The following C2CD5 variants were observed in gnomAD, a reference collection of about 807,000 sequenced individuals.
C2CD5 encodes C2 domain-containing protein 5.
In C2CD5, 109 loss-of-function variants were observed where a neutral mutation model predicts 130.3. The ratio of observed to expected loss-of-function variants is 0.84; its 90% confidence interval spans 0.72 to 0.98. The LOEUF (loss-of-function observed/expected upper bound fraction) is 0.98. Ranked by LOEUF, C2CD5 falls within the 50% of genes least tolerant of loss-of-function variation. The pLI is 0.00. For missense variants in C2CD5, 996 were observed against 1,261.8 expected (o/e 0.79, Z 3.19); for synonymous variants, 454 against 429.2 (o/e 1.06, Z -0.71).
At chr12:22,488,196 A>T (rs572315876) in intron 12 of C2CD5, among the ~76,000 whole-genome samples, 19 of 151,534 alleles carry the variant, frequency 1.3e-4, no homozygotes, top group South Asian at 4.2e-4. Context: ...AAGTATAATT[A>T]AAAAAAAACA....
At position 22,449,807 on chromosome 12, in the gene C2CD5, T is replaced by C. The variant is rs201956992; in HGVS notation, c.3109A>G (p.Thr1037Ala). ...DLEVVSSQQP[T>A]TNCQSSCTEG... ...GTACATGATGACTGGCAGTTGGTAGTAGGTTGCTGAGATGACACCACTTCT... is the reference window on the plus strand; with the variant it reads ...GTACATGATGACTGGCAGTTGGTAGCAGGTTGCTGAGATGACACCACTTCT... Residue 1037 changes from threonine to alanine, a missense_variant, in exon 27 of 27, where the codon ACT (threonine) becomes GCT (alanine). Transcript: ENST00000446597. 85 of 1,610,542 alleles carry C rather than the reference T, an allele frequency of 5.3e-5. No homozygotes were observed. The African/African-American group carries it at 8.7e-4, about 16-fold the overall frequency.
chr12:22,515,955 C>T (rs1261437677), intron 8 of C2CD5, among the ~76,000 whole-genome samples: 1 of 150,948 alleles, frequency 6.6e-6, no homozygotes, highest in Non-Finnish European at 1.5e-5. Flanking sequence ...AAAATAAAAC[C>T]TTGTAAATGT....
Position 22,474,852 on chromosome 12 carries a change from G to A in C2CD5, c.1942C>T (p.Pro648Ser), listed in dbSNP as rs948497515. The stretch of plus-strand genomic sequence containing the variant: ...CTTAGAAGTCTTGAGCGTTGCCTAG[G>A]TTCTGGGATGGGTGATCCTATAATC... ...EEIIGSPIPE[P>S]RQRSRLLRSQ... The change falls in exon 16 of 27, where the codon CCT becomes TCT. Residue 648 changes from proline (P) to serine (S), a missense_variant. Coordinates refer to ENST00000446597, the MANE Select transcript of C2CD5 (RefSeq NM_001286176.2). 20 of 1,605,510 alleles carry A rather than the reference G, an allele frequency of 1.2e-5. No individual in the cohort carries two copies. The highest frequency in any genetic ancestry group is 2.2e-5 in the East Asian group (1 of 44,622).
chr12:22,502,745 T>G, intron 10 of C2CD5: 1 of 1,522,694 alleles, frequency 6.6e-7, no homozygotes, highest in Non-Finnish European at 8.8e-7. Flanking sequence ...ATACCTGAAT[T>G]GAAACTATTC....
At chr12:22,494,874 TAC>T (rs576071746) in intron 10 of C2CD5, among the ~76,000 whole-genome samples, 72 of 152,122 alleles carry the variant, frequency 4.7e-4, no homozygotes, top group Admixed American at 7.9e-4. Context: ...ACAGCAAAAA[TAC>T]ACTTTCAAAT....
chr12:22,493,163 C>A, intron 11 of C2CD5, 60 bp downstream of exon 11: 1 of 923,834 alleles, frequency 1.1e-6, no homozygotes, highest in South Asian at 1.6e-5. Flanking sequence ...TGAAGCTTTT[C>A]CCCTTTCAGA....
intron 2 of C2CD5, among the ~76,000 whole-genome samples, chr12:22,538,042 T>C (rs925176904): frequency 2.0e-5 from 3 of 152,216 alleles, no homozygotes; most frequent in Non-Finnish European, 2.9e-5. Flanking sequence ...GGACCAATAC[T>C]TGATCAGTTA....
At chr12:22,518,329 G>A (rs879210227) in intron 7 of C2CD5, among the ~76,000 whole-genome samples, 192 bp from the exon 8 acceptor site, 1 of 152,036 alleles carries the variant, frequency 6.6e-6, no homozygotes, top group South Asian at 2.1e-4. Flanking sequence ...AATATTATCT[G>A]CATTGAAACA....
chr12:22,505,262 T>C (rs1452257088), intron 10 of C2CD5, among the ~76,000 whole-genome samples: 2 of 147,090 alleles, frequency 1.4e-5, no homozygotes, highest in Admixed American at 6.7e-5. Context: ...TTCTTTTTTT[T>C]TTTTTTTTTT....
At chr12:22,462,649 G>A (rs952146637) in intron 22 of C2CD5, among the ~76,000 whole-genome samples, 1 of 152,158 alleles carries the variant, frequency 6.6e-6, no homozygotes, top group Non-Finnish European at 1.5e-5. Flanking sequence ...TCTCCAGTAC[G>A]TCTAAAGTCT....
Position 22,471,470 on chromosome 12 carries a change from GTAGTT to G in C2CD5, c.2282_2286del (p.Lys761ThrfsTer19). On this transcript the variant is annotated frameshift_variant, in exon 20 of 27. Coordinates refer to ENST00000446597, the MANE Select transcript of C2CD5 (RefSeq NM_001286176.2). LOFTEE classifies it high-confidence loss of function. ...CAAAGGCAGCAGGGGATCATAGATC[GTAGTT>G]TAAAGTACAGGCTCTACACAATAGA... 1 of 1,591,714 alleles carries G rather than the reference GTAGTT, an allele frequency of 6.3e-7. No individual in the cohort carries two copies. The highest frequency in any genetic ancestry group is 8.6e-7 in the Non-Finnish European group (1 of 1,161,462).
At chr12:22,469,275 C>T (rs796195102) in intron 22 of C2CD5, among the ~76,000 whole-genome samples, 40 of 152,196 alleles carry the variant, frequency 2.6e-4, no homozygotes, top group African/African-American at 9.1e-4. Flanking sequence ...TTGTACTACT[C>T]CCACTCAAAA....
intron 9 of C2CD5, chr12:22,512,601 C>A: frequency 8.0e-7 from 1 of 1,255,256 alleles, no homozygotes. Flanking sequence ...AACTAGAAAG[C>A]TATCAATACA....
In C2CD5 at chr12:22,472,834, A is replaced by G. The variant is rs748079794; in HGVS notation, c.2044-27T>C. 16 of 1,213,430 alleles carry G rather than the reference A, an allele frequency of 1.3e-5. No individual in the cohort carries two copies. The South Asian group carries it at 1.7e-4, about 13-fold the overall frequency. 75.2% of individuals were successfully genotyped at this position (1,213,430 alleles called of 1,614,324 possible). On this transcript the variant is annotated intron_variant, in intron 16 of 26. Transcript: ENST00000446597. ...TTAAAATAGAGATTAAAACTATTTT[A>G]TAAGTAGTAAATGCATAATTATTTC... is the stretch of plus-strand genomic sequence containing the variant.
intron 2 of C2CD5, among the ~76,000 whole-genome samples, chr12:22,536,623 ATATTT>A (rs1319378858): frequency 6.6e-6 from 1 of 152,222 alleles, no homozygotes; most frequent in Non-Finnish European, 1.5e-5. Context: ...AAGTATGATT[ATATTT>A]GTTTCTAAAA....
chr12:22,523,592 G>A lies in C2CD5; in HGVS notation c.634C>T (p.Leu212Phe), dbSNP rs373330293. 3.7e-6 allele frequency: 6 copies of A among 1,613,346 alleles called. No individual in the cohort carries two copies. Among genetic ancestry groups the A allele is most frequent in the Non-Finnish European group, 5.1e-6 (6 of 1,179,904 alleles). ...ELQRKIGLKV[L>F]EMRGNAVVGY... ...ACAACTGCATTTCCTCTCATTTCAA[G>A]TACTTTCAAGCCAATCTTCCTCTGC... is the stretch of plus-strand genomic sequence containing the variant. Residue 212 changes from leucine (L) to phenylalanine (F), a missense_variant, in exon 7 of 27, where the codon CTT becomes TTT. Transcript: ENST00000446597.
At chr12:22,455,882 G>A (rs992073983) in intron 25 of C2CD5, among the ~76,000 whole-genome samples, 9 of 151,982 alleles carry the variant, frequency 5.9e-5, no homozygotes, top group African/African-American at 1.2e-4. Flanking sequence ...AAGGGGTTTC[G>A]TCATGTTGGT....
chr12:22,449,643 T>C lies in C2CD5; in HGVS notation c.*117A>G, dbSNP rs1324958688. 5 of 917,496 alleles carry C rather than the reference T, an allele frequency of 5.4e-6. No individual in the cohort carries two copies. In the South Asian group the frequency reaches 5.7e-5, roughly 10 times the overall value. The allele number at this position is 917,496 out of a possible 1,614,324, so 56.8% of individuals were successfully genotyped here. On this transcript the variant is annotated 3_prime_UTR_variant, in exon 27 of 27. Coordinates refer to ENST00000446597, the MANE Select transcript of C2CD5 (RefSeq NM_001286176.2). The stretch of plus-strand genomic sequence containing the variant: ...CAAAAGACTCCAGGCAAATCAAATC[T>C]ACTCAATTCTTCCTTATTTATCTCA...
rs991913689 is a variant in C2CD5 at position 22,519,071 on chromosome 12, G to A, written c.801-934C>T. The A allele has an allele frequency of 5.3e-6, 8 of 1,511,840 alleles. No individual in the cohort carries two copies. The Admixed American group carries it at 6.1e-5, about 11-fold the overall frequency. The allele number at this position is 1,511,840 out of a possible 1,614,324, so 93.7% of individuals were successfully genotyped here. A position where few individuals can be genotyped will look rare whatever the true frequency, so the allele number is the denominator to read the frequency against. On this transcript the variant is annotated intron_variant, in intron 7 of 26. Transcript: ENST00000446597. ...GCCTGCCTCTGCAGCCACTCTGCCC[G>A]TGGCCTGCATCTCCCCAGCTCTGGA... is the stretch of plus-strand genomic sequence containing the variant.
Sources: allele counts gnomAD v4.1 joint callset (sites outside exome capture counted in the v4.1 genomes callset), GRCh38; gene constraint gnomAD v4.1.1; transcripts MANE v1.5; gene names NCBI Gene and HGNC (gene_info 2026-07-23, HGNC 2026-07-21).